Variants in CSMD3 observed in about 807,000 individuals in gnomAD.
CSMD3 encodes the protein CUB and Sushi multiple domains 3.
In CSMD3, 177 loss-of-function variants were observed where a neutral mutation model predicts 435.2. The ratio of observed to expected loss-of-function variants is 0.41; its 90% confidence interval spans 0.36 to 0.46. The LOEUF is 0.46. CSMD3 is among the 20% of genes least tolerant of loss of function. CSMD3 has a pLI of 0.34. For missense variants in CSMD3, 4,265 were observed against 4,504.6 expected, an observed-to-expected ratio of 0.95 and a Z score of 1.52; for synonymous variants, 1,656 against 1,520.5, an observed-to-expected ratio of 1.09 and a Z score of -2.07.
At chr8:113,369,125 ATCTC>A in intron 1 of CSMD3, among the ~76,000 whole-genome samples, 1 of 152,088 alleles carries the variant, frequency 6.6e-6, no homozygotes, top group Non-Finnish European at 1.5e-5. Flanking sequence ...ATTATAGTAA[ATCTC>A]TATCAATTTC....
At chr8:113,168,636 T>C (rs1326415291) in intron 4 of CSMD3, among the ~76,000 whole-genome samples, 1 of 148,114 alleles carries the variant, frequency 6.8e-6, no homozygotes, top group Admixed American at 6.8e-5. Context: ...GTACATAAAA[T>C]CTTAAAATAT....
At chr8:112,234,170 G>A (rs778765903) in intron 68 of CSMD3, among the ~76,000 whole-genome samples, 195 bp downstream of exon 68, 2 of 147,868 alleles carry the variant, frequency 1.4e-5, no homozygotes, top group Admixed American at 6.7e-5. Flanking sequence ...ACACACACAC[G>A]ACAAAAGTAA....
chr8:112,401,329 T>G (rs1831321693), intron 35 of CSMD3, among the ~76,000 whole-genome samples: 1 of 152,164 alleles, frequency 6.6e-6, no homozygotes, highest in Non-Finnish European at 1.5e-5. Flanking sequence ...TTTTGCTATT[T>G]TTTTTTAATT....
chr8:113,233,879 T>C (rs1234999053), intron 3 of CSMD3, among the ~76,000 whole-genome samples: 1 of 152,094 alleles, frequency 6.6e-6, no homozygotes, highest in East Asian at 1.9e-4. Flanking sequence ...ACTTCTGAGT[T>C]AGATAAAAAG....
At chr8:112,537,711 T>C (rs542864468) in intron 27 of CSMD3, among the ~76,000 whole-genome samples, 1 of 151,412 alleles carries the variant, frequency 6.6e-6, no homozygotes, top group Admixed American at 6.6e-5. Flanking sequence ...CAATAACAAG[T>C]AATGAGTTCA....
At chr8:112,459,275 T>C (rs1018313466) in intron 32 of CSMD3, among the ~76,000 whole-genome samples, 2 of 151,502 alleles carry the variant, frequency 1.3e-5, no homozygotes. Context: ...CCTTTCTCAT[T>C]ATACTTTGGG....
At chr8:112,313,869 T>C in intron 49 of CSMD3, 37 bp downstream of exon 49, 2 of 1,518,564 alleles carry the variant, frequency 1.3e-6, no homozygotes, top group Non-Finnish European at 1.8e-6. Context: ...CCGAAGATGA[T>C]AGTGAGATCT....
At chr8:113,033,526 T>C (rs904787794) in intron 5 of CSMD3, among the ~76,000 whole-genome samples, 1 of 151,568 alleles carries the variant, frequency 6.6e-6, no homozygotes, top group Non-Finnish European at 1.5e-5. Flanking sequence ...ATTTACCCAA[T>C]GCTTGTACCT....
intron 5 of CSMD3, among the ~76,000 whole-genome samples, chr8:113,024,731 G>C (rs545202868): frequency 1.1e-4 from 16 of 152,158 alleles, no homozygotes; most frequent in African/African-American, 2.9e-4. Flanking sequence ...TCACACACCT[G>C]TTGGCCACTT....
At position 112,472,509 on chromosome 8, in the gene CSMD3, A is replaced by G. The variant is rs1456878341; in HGVS notation, c.5395+82T>C. ...TACTTTATGGATAGCACGTATTTTC[A>G]TTTAAAATTTTTGAATAGCATGTAG... On this transcript the variant is annotated intron_variant, in intron 32 of 70. Transcript: ENST00000297405. The G allele has an allele frequency of 2.7e-5, 22 of 805,028 alleles. 1 individual carries two copies. The highest frequency in any genetic ancestry group is 7.3e-5 in the East Asian group (3 of 40,950). 49.9% of individuals were successfully genotyped at this position (805,028 alleles called of 1,614,324 possible).
At chr8:112,733,513 C>T (rs1239190202) in intron 13 of CSMD3, among the ~76,000 whole-genome samples, 1 of 151,362 alleles carries the variant, frequency 6.6e-6, no homozygotes, top group African/African-American at 2.4e-5. Flanking sequence ...AAGTATAAAG[C>T]TTAATTATGC....
chr8:113,109,176 G>A (rs2090567079), intron 4 of CSMD3, among the ~76,000 whole-genome samples: 1 of 152,222 alleles, frequency 6.6e-6, no homozygotes, highest in Non-Finnish European at 1.5e-5. Context: ...CAGCAACACT[G>A]TAGAACGGTG....
intron 1 of CSMD3, chr8:113,376,931 A>C: frequency 1.4e-6 from 2 of 1,437,360 alleles, no homozygotes; most frequent in Non-Finnish European, 1.9e-6. Context: ...GCCATAACGG[A>C]TGACGTGCGG....
At chr8:113,257,390 A>C (rs1347883700) in intron 3 of CSMD3, among the ~76,000 whole-genome samples, 1 of 152,120 alleles carries the variant, frequency 6.6e-6, no homozygotes, top group Non-Finnish European at 1.5e-5. Flanking sequence ...CAGCCTGGGC[A>C]ACAGGGCAAG....
At chr8:113,347,868 A>G (rs1289757082) in intron 1 of CSMD3, among the ~76,000 whole-genome samples, 4 of 152,128 alleles carry the variant, frequency 2.6e-5, no homozygotes, top group Non-Finnish European at 5.9e-5. Flanking sequence ...CAACATAAAG[A>G]GAGTATCTGA....
chr8:112,613,563 T>C (rs1376342886), intron 22 of CSMD3, among the ~76,000 whole-genome samples: 1 of 152,164 alleles, frequency 6.6e-6, no homozygotes, highest in Non-Finnish European at 1.5e-5. Context: ...AAATGCCACA[T>C]GGCCTTATAC....
intron 3 of CSMD3, among the ~76,000 whole-genome samples, chr8:113,202,073 T>C (rs1159999889): frequency 2.0e-5 from 3 of 152,054 alleles, no homozygotes; most frequent in East Asian, 1.9e-4. Flanking sequence ...TTTCACAAAA[T>C]TGTAAATTTA....
At chr8:112,267,231 A>G (rs753170263) in intron 59 of CSMD3, among the ~76,000 whole-genome samples, 1 of 152,134 alleles carries the variant, frequency 6.6e-6, no homozygotes, top group Non-Finnish European at 1.5e-5. Flanking sequence ...GAATAATGGC[A>G]TTTAAATTAA....
chr8:113,415,117 C>T (rs1402004407), intron 1 of CSMD3, among the ~76,000 whole-genome samples: 1 of 152,040 alleles, frequency 6.6e-6, no homozygotes, highest in African/African-American at 2.4e-5. Context: ...ATCATGAAGG[C>T]AATTGTAATT....
Sources: allele counts gnomAD v4.1 joint callset (sites outside exome capture counted in the v4.1 genomes callset), GRCh38; gene constraint gnomAD v4.1.1; transcripts MANE v1.5; gene names NCBI Gene and HGNC (gene_info 2026-07-23, HGNC 2026-07-21).